Variants in CCER1 observed in about 807,000 individuals in gnomAD.
The protein encoded by CCER1 is coiled-coil glutamate rich protein 1, also known as coiled-coil domain-containing glutamate-rich protein 1.
For missense variants in CCER1, 573 were observed against 524.5 expected, an observed-to-expected ratio of 1.09 and a Z score of -0.90; for synonymous variants, 246 against 213.8, an observed-to-expected ratio of 1.15 and a Z score of -1.31.
Position 90,953,440 on chromosome 12 carries a change from T to G in CCER1, c.*82A>C. 1 of 1,469,572 alleles carries G rather than the reference T, an allele frequency of 6.8e-7. No individual in the cohort carries two copies. The highest frequency in any genetic ancestry group is 9.1e-7 in the Non-Finnish European group (1 of 1,104,168). The allele number at this position is 1,469,572 out of a possible 1,614,324, so 91.0% of individuals were successfully genotyped here. On this transcript the variant is annotated 3_prime_UTR_variant, in exon 1 of 1. Transcript: ENST00000358859. ...GATCTGTTTATTAATGGAACTCACTTTTTAATCAGTTTTTAATAAATTGCT... is the reference window on the plus strand; with the variant it reads ...GATCTGTTTATTAATGGAACTCACTGTTTAATCAGTTTTTAATAAATTGCT...
In CCER1 at chr12:90,953,472, G is replaced by A. The variant is rs373391977; in HGVS notation, c.*50C>T. 1.0e-5 allele frequency: 16 copies of A among 1,539,538 alleles called. No individual in the cohort carries two copies. In the African/African-American group the frequency reaches 2.1e-4, roughly 20 times the overall value. Reference sequence around the variant, plus strand: ...CAGTTTTTAATAAATTGCTAATCCAGTTTAGCCTCAAATCAGTTCCATCCC... The same window carrying A: ...CAGTTTTTAATAAATTGCTAATCCAATTTAGCCTCAAATCAGTTCCATCCC... On this transcript the variant is annotated 3_prime_UTR_variant, in exon 1 of 1. Transcript: ENST00000358859.
chr12:90,954,302 G>A lies in CCER1; in HGVS notation c.441C>T (p.Gly147=). 6.2e-7 allele frequency: 1 copy of A among 1,601,034 alleles called. No individual in the cohort carries two copies. Among genetic ancestry groups the A allele is most frequent in the Non-Finnish European group, 8.5e-7 (1 of 1,177,798 alleles). Residue 147 remains glycine (G), a synonymous_variant, in exon 1 of 1, where the codon GGC becomes GGT. Coordinates refer to ENST00000358859, the MANE Select transcript of CCER1 (RefSeq NM_152638.4). ...PGRKKRWGRR[G]RGLRHHPRHS... Reference sequence around the variant, plus strand: ...GGCGAGGGTGGTGGCGCAGGCCGCGGCCTCTGCGGCCCCAGCGCTTCTTCC... The same window carrying A: ...GGCGAGGGTGGTGGCGCAGGCCGCGACCTCTGCGGCCCCAGCGCTTCTTCC...
At position 90,952,424 on chromosome 12, in the gene CCER1, G is replaced by A. The variant is rs1876498296; in HGVS notation, c.*1098C>T. 2 of 152,192 alleles carry A rather than the reference G, an allele frequency of 1.3e-5. No individual in the cohort carries two copies. Among genetic ancestry groups the A allele is most frequent in the East Asian group, 1.9e-4 (1 of 5,194 alleles). 9.4% of individuals were successfully genotyped at this position (152,192 alleles called of 1,614,324 possible). ...TAGGGATATTCTGGAAATATGCTAT[G>A]GATGGAACTTTTATCAACTGTCCAG... On this transcript the variant is annotated 3_prime_UTR_variant, in exon 1 of 1. Transcript: ENST00000358859.
rs1457161566 is a variant in CCER1, at chr12:90,952,297, T to A, written c.*1225A>T. The A allele has an allele frequency of 1.3e-5, 2 of 152,638 alleles. No homozygotes were observed. The highest frequency in any genetic ancestry group is 4.8e-5 in the African/African-American group (2 of 41,464). 9.5% of individuals were successfully genotyped at this position (152,638 alleles called of 1,614,324 possible). ...ATATCAGTAACAACCAACATTCAGGTAAGACATCACCACACATTCTTCTCT... is the reference window on the plus strand; with the variant it reads ...ATATCAGTAACAACCAACATTCAGGAAAGACATCACCACACATTCTTCTCT... On this transcript the variant is annotated 3_prime_UTR_variant, in exon 1 of 1. Transcript: ENST00000358859.
In CCER1 at chr12:90,952,239, A is replaced by G. The variant is rs1876492624; in HGVS notation, c.*1283T>C. On this transcript the variant is annotated 3_prime_UTR_variant, in exon 1 of 1. Coordinates refer to ENST00000358859, the MANE Select transcript of CCER1 (RefSeq NM_152638.4). ...GTACTTTAATACTTTTTATTATTTA[A>G]TAGCTCAAGCTTATCACCTTGAAAA... 1 of 152,672 alleles carries G rather than the reference A, an allele frequency of 6.5e-6. No individual in the cohort carries two copies. Among genetic ancestry groups the G allele is most frequent in the Non-Finnish European group, 1.5e-5 (1 of 68,040 alleles). The allele number at this position is 152,672 out of a possible 1,614,324, so 9.5% of individuals were successfully genotyped here. A position where few individuals can be genotyped will look rare whatever the true frequency, so the allele number is the denominator to read the frequency against.
rs774323967 is a variant in CCER1, at chr12:90,953,939, G to T, written c.804C>A (p.Asn268Lys). 1.9e-6 allele frequency: 3 copies of T among 1,614,156 alleles called. No homozygotes were observed. The highest frequency in any genetic ancestry group is 2.7e-5 in the African/African-American group (2 of 75,036). ...SLAFSPNPEE[N>K]QSLAPLLVEE... is the part of the protein sequence containing the mutation. ...CCACCAGCAGCGGGGCAAGAGACTG[G>T]TTTTCCTCTGGGTTGGGACTGAATG... Residue 268 changes from asparagine to lysine, a missense_variant, in exon 1 of 1, where the codon AAC (asparagine) becomes AAA (lysine). Asn to Lys is a moderately conservative substitution (Grantham distance 94). Coordinates refer to ENST00000358859, the MANE Select transcript of CCER1 (RefSeq NM_152638.4).
chr12:90,954,861 G>A lies in CCER1; in HGVS notation c.-119C>T, dbSNP rs927501847. ...AACCTGTCTCTCCACGCAGCGCCAC[G>A]TGTCTACCCCTGGGATCACGTTTTC... On this transcript the variant is annotated 5_prime_UTR_variant, in exon 1 of 1. The change creates a new upstream start codon in the 5' untranslated region. Transcript: ENST00000358859. 20 of 1,455,484 alleles carry A rather than the reference G, an allele frequency of 1.4e-5. No homozygotes were observed. The highest frequency in any genetic ancestry group is 5.1e-4 in the Middle Eastern group (2 of 3,930). The allele number at this position is 1,455,484 out of a possible 1,614,324, so 90.2% of individuals were successfully genotyped here.
rs773877156 is a variant in CCER1 at position 90,954,813 on chromosome 12, G to A, written c.-71C>T. On this transcript the variant is annotated 5_prime_UTR_variant, in exon 1 of 1. Coordinates refer to ENST00000358859, the MANE Select transcript of CCER1 (RefSeq NM_152638.4). ...GTCGTCAAGTTTTGCCAGGTAGGAC[G>A]GTCAGAAGAGCCTCGTCTCGTCAAC... 2.0e-5 allele frequency: 29 copies of A among 1,482,264 alleles called. No homozygotes were observed. The highest frequency in any genetic ancestry group is 4.2e-5 in the African/African-American group (3 of 70,954). 91.8% of individuals were successfully genotyped at this position (1,482,264 alleles called of 1,614,324 possible).
Position 90,954,867 on chromosome 12 carries a change from A to AC in CCER1, c.-126dup. On this transcript the variant is annotated 5_prime_UTR_variant, in exon 1 of 1. Coordinates refer to ENST00000358859, the MANE Select transcript of CCER1 (RefSeq NM_152638.4). ...TCTCTCCACGCAGCGCCACGTGTCT[A>AC]CCCCTGGGATCACGTTTTCCTCTCC... is the stretch of plus-strand genomic sequence containing the variant. 6.9e-7 allele frequency: 1 copy of AC among 1,447,580 alleles called. No homozygotes were observed. The highest frequency in any genetic ancestry group is 9.1e-7 in the Non-Finnish European group (1 of 1,096,730). 89.7% of individuals were successfully genotyped at this position (1,447,580 alleles called of 1,614,324 possible).
rs753463782 is a variant in CCER1, at chr12:90,954,679, A to AGCCGCC, written c.58_63dup (p.Gly20_Gly21dup). The AGCCGCC allele has an allele frequency of 6.3e-7, 1 of 1,589,126 alleles. No individual in the cohort carries two copies. Among genetic ancestry groups the AGCCGCC allele is most frequent in the South Asian group, 1.1e-5 (1 of 88,450 alleles). On this transcript the variant is annotated inframe_insertion, in exon 1 of 1. Coordinates refer to ENST00000358859, the MANE Select transcript of CCER1 (RefSeq NM_152638.4). The stretch of plus-strand genomic sequence containing the variant: ...GCCGAGTGTGCCCAGCCACAGCCAC[A>AGCCGCC]GCCGCCGCCGCCACCGCCGCCCAGG...
In CCER1 at chr12:90,954,095, C is replaced by T. The variant is rs1295769498; in HGVS notation, c.648G>A (p.Ala216=). Reference sequence around the variant, plus strand: ...CCTCGCCGCTCACCGTGGCCTTCTGCGCCCGCAGCGCCTCCTGCTGACGCT... The same window carrying T: ...CCTCGCCGCTCACCGTGGCCTTCTGTGCCCGCAGCGCCTCCTGCTGACGCT... ...KVERQQEALR[A]QKATVSGEAS... Residue 216 remains alanine, a synonymous_variant, in exon 1 of 1, where the codon GCG becomes GCA. Transcript: ENST00000358859. The T allele has an allele frequency of 2.5e-6, 4 of 1,612,978 alleles. No homozygotes were observed. Among genetic ancestry groups the T allele is most frequent in the East Asian group, 4.5e-5 (2 of 44,872 alleles).
At position 90,954,832 on chromosome 12, in the gene CCER1, C is replaced by T. The variant is rs1182484211; in HGVS notation, c.-90G>A. On this transcript the variant is annotated 5_prime_UTR_variant, in exon 1 of 1. Coordinates refer to ENST00000358859, the MANE Select transcript of CCER1 (RefSeq NM_152638.4). ...TAGGACGGTCAGAAGAGCCTCGTCTCGTCAACCTGTCTCTCCACGCAGCGC... is the reference window on the plus strand; with the variant it reads ...TAGGACGGTCAGAAGAGCCTCGTCTTGTCAACCTGTCTCTCCACGCAGCGC... The T allele has an allele frequency of 2.0e-6, 3 of 1,469,368 alleles. No individual in the cohort carries two copies. Among genetic ancestry groups the T allele is most frequent in the Admixed American group, 2.5e-5 (1 of 40,552 alleles). 91.0% of individuals were successfully genotyped at this position (1,469,368 alleles called of 1,614,324 possible).
rs775845183 is a variant in CCER1 at position 90,954,237 on chromosome 12, A to G, written c.506T>C (p.Leu169Pro). ...PRSPPADVSTLPRPVKLYEWR... is the reference protein window; with the variant it reads ...PRSPPADVSTPPRPVKLYEWR... The stretch of plus-strand genomic sequence containing the variant: ...CTCATACAGCTTGACCGGCCGCGGC[A>G]GCGTGCTCACATCCGCTGGCGGGCT... Residue 169 changes from leucine (L) to proline (P), a missense_variant, in exon 1 of 1, where the codon CTG becomes CCG. Transcript: ENST00000358859. The G allele has an allele frequency of 1.2e-6, 2 of 1,606,396 alleles. No individual in the cohort carries two copies. Among genetic ancestry groups the G allele is most frequent in the African/African-American group, 1.3e-5 (1 of 75,052 alleles).
chr12:90,954,589 G>A lies in CCER1; in HGVS notation c.154C>T (p.His52Tyr). ...RPGAPAYNRPHRYSPKTEYGP... is the reference protein window; with the variant it reads ...RPGAPAYNRPYRYSPKTEYGP... Reference sequence around the variant, plus strand: ...TACTCGGTCTTGGGGCTATATCGGTGCGGTCTATTGTACGCTGGAGCACCC... The same window carrying A: ...TACTCGGTCTTGGGGCTATATCGGTACGGTCTATTGTACGCTGGAGCACCC... Residue 52 changes from histidine to tyrosine, a missense_variant, in exon 1 of 1, where the codon CAC becomes TAC. Transcript: ENST00000358859. The A allele has an allele frequency of 6.2e-7, 1 of 1,613,968 alleles. No homozygotes were observed. Among genetic ancestry groups the A allele is most frequent in the Non-Finnish European group, 8.5e-7 (1 of 1,180,000 alleles).
chr12:90,954,008 T>A lies in CCER1; in HGVS notation c.735A>T (p.Gly245=). ...CAAAGCCATACAGAGTTTCCTGCAG[T>A]CCCCAGGTTTCCTTGCTGCCGCCAG... ...APPGGSKETW[G]LQETLYGFVQ... Residue 245 remains glycine, a synonymous_variant, in exon 1 of 1, where the codon GGA becomes GGT. Transcript: ENST00000358859. 1 of 1,614,208 alleles carries A rather than the reference T, an allele frequency of 6.2e-7. No individual in the cohort carries two copies. Among genetic ancestry groups the A allele is most frequent in the African/African-American group, 1.3e-5 (1 of 75,060 alleles).
Position 90,954,108 on chromosome 12 carries a change from T to G in CCER1, c.635A>C (p.Glu212Ala). 6.2e-7 allele frequency: 1 copy of G among 1,612,910 alleles called. No homozygotes were observed. Among genetic ancestry groups the G allele is most frequent in the Non-Finnish European group, 8.5e-7 (1 of 1,179,962 alleles). ...CGTGGCCTTCTGCGCCCGCAGCGCC[T>G]CCTGCTGACGCTCCACCTTCTCCTG... is the stretch of plus-strand genomic sequence containing the variant. ...RQQEKVERQQ[E>A]ALRAQKATVS... The change falls in exon 1 of 1, where the codon GAG becomes GCG. Residue 212 changes from glutamate to alanine, a missense_variant. Transcript: ENST00000358859.
rs568091742 is a variant in CCER1 at position 90,954,960 on chromosome 12, G to A, written c.-218C>T. ...ATCGCTTGTCCTTCGCACCTGGGTT[G>A]TCTCGCCCAGGTGTGCTGGGTGGGA... On this transcript the variant is annotated 5_prime_UTR_variant, in exon 1 of 1. Transcript: ENST00000358859. The A allele has an allele frequency of 4.7e-5, 42 of 886,520 alleles. No individual in the cohort carries two copies. The highest frequency in any genetic ancestry group is 3.9e-4 in the Admixed American group (13 of 33,092). The allele number at this position is 886,520 out of a possible 1,614,324, so 54.9% of individuals were successfully genotyped here.
rs1157111430 is a variant in CCER1, at chr12:90,952,797, G to A, written c.*725C>T. 6.6e-6 allele frequency: 1 copy of A among 152,606 alleles called. No homozygotes were observed. The highest frequency in any genetic ancestry group is 1.5e-5 in the Non-Finnish European group (1 of 68,044). The allele number at this position is 152,606 out of a possible 1,614,324, so 9.5% of individuals were successfully genotyped here. Reference sequence around the variant, plus strand: ...CAGTTACCTTGGACTTTAACTAGATGTGCAAGTTGACTTCTGACCATGGGG... The same window carrying A: ...CAGTTACCTTGGACTTTAACTAGATATGCAAGTTGACTTCTGACCATGGGG... On this transcript the variant is annotated 3_prime_UTR_variant, in exon 1 of 1. Transcript: ENST00000358859.
chr12:90,953,615 C>G lies in CCER1; in HGVS notation c.1128G>C (p.Glu376Asp), dbSNP rs528219668. 3.7e-6 allele frequency: 6 copies of G among 1,614,054 alleles called. No homozygotes were observed. The African/African-American group carries it at 6.7e-5, about 18-fold the overall frequency. Residue 376 changes from glutamate to aspartate, a missense_variant, in exon 1 of 1, where the codon GAG becomes GAC. By Grantham distance (45) the Glu-to-Asp change is conservative. Transcript: ENST00000358859. ...SIFVEAEEKR[E>D]NFISCTFLNP... ...TTAAAAAAGTGCAGCTTATAAAGTT[C>G]TCTCTCTTTTCTTCAGCCTCTACGA...
Sources: allele counts gnomAD v4.1 joint callset, GRCh38; gene constraint gnomAD v4.1.1; transcripts MANE v1.5; gene names NCBI Gene and HGNC (gene_info 2026-07-23, HGNC 2026-07-21).